SLC9C2: variants seen among roughly 807,000 people sequenced by gnomAD.
SLC9C2 encodes the protein solute carrier family 9 member C2 (putative).
SLC9C2 carries 75 observed loss-of-function variants against 140.2 expected under a neutral mutation model. The observed-to-expected ratio is 0.53, with a 90% CI of 0.44 to 0.65. The LOEUF is 0.65. SLC9C2 is among the 30% of genes least tolerant of loss of function. The probability of loss-of-function intolerance (pLI) is 0.00; values close to 1 mark genes in which losing one functional copy is unlikely to be tolerated. For synonymous variants in SLC9C2, 375 were observed against 420.9 expected (o/e 0.89, Z 1.34); for missense variants, 1,074 against 1,331.8 (o/e 0.81, Z 3.01).
intron 18 of SLC9C2, among the ~76,000 whole-genome samples, chr1:173,528,873 A>G (rs1252335470): frequency 6.6e-6 from 1 of 152,190 alleles, no homozygotes; most frequent in Non-Finnish European, 1.5e-5. Flanking sequence ...CAAAATCACC[A>G]AACACTGGGG....
chr1:173,506,286 C>T (rs2101889615), intron 25 of SLC9C2, among the ~76,000 whole-genome samples: 1 of 152,316 alleles, frequency 6.6e-6, no homozygotes, highest in South Asian at 2.1e-4. Flanking sequence ...GGGTCCTCCC[C>T]ATTCCTTTGC....
chr1:173,532,220 T>C (rs960392316), intron 17 of SLC9C2, among the ~76,000 whole-genome samples: 1 of 152,220 alleles, frequency 6.6e-6, no homozygotes, highest in Non-Finnish European at 1.5e-5. Flanking sequence ...GAGTCTAATA[T>C]GTGCATTTCA....
At chr1:173,541,044 A>T (rs1380879013) in intron 13 of SLC9C2, among the ~76,000 whole-genome samples, 4 of 152,228 alleles carry the variant, frequency 2.6e-5, no homozygotes, top group Non-Finnish European at 5.9e-5. Flanking sequence ...TGCCCCAATT[A>T]AAAGACACAG....
chr1:173,577,293 G>A (rs375466940), intron 7 of SLC9C2, among the ~76,000 whole-genome samples: 3 of 152,322 alleles, frequency 2.0e-5, no homozygotes, highest in East Asian at 3.9e-4. Context: ...ATACTGCACT[G>A]CATGTGCTGA....
At chr1:173,518,218 G>A (rs1030219395) in intron 22 of SLC9C2, among the ~76,000 whole-genome samples, 4 of 151,284 alleles carry the variant, frequency 2.6e-5, no homozygotes, top group Middle Eastern at 3.4e-3. Context: ...AGCCAAGATC[G>A]TGCCACTGCA....
intron 22 of SLC9C2, among the ~76,000 whole-genome samples, 177 bp downstream of exon 22, chr1:173,521,124 G>C (rs956498918): frequency 6.6e-6 from 1 of 152,144 alleles, no homozygotes; most frequent in African/African-American, 2.4e-5. Flanking sequence ...TGTAGAATGG[G>C]AAGCACATTT....
At chr1:173,555,896 C>A (rs1209963670) in intron 10 of SLC9C2, among the ~76,000 whole-genome samples, 2 of 152,298 alleles carry the variant, frequency 1.3e-5, no homozygotes, top group South Asian at 4.1e-4. Flanking sequence ...AAGGCTACTA[C>A]TCTCTTTGAT....
chr1:173,505,405 A>T (rs1659563909), intron 25 of SLC9C2, 74 bp from the exon 26 acceptor site: 1 of 1,147,732 alleles, frequency 8.7e-7, no homozygotes, highest in Non-Finnish European at 1.3e-6. Context: ...TAATCTTTCC[A>T]AAGAGTATAA....
chr1:173,534,616 C>T lies in SLC9C2; in HGVS notation c.1842G>A (p.Gln614=). ...GATAAATATATATCAAATTTATAAT[C>T]TGTCCTGTATATTCAAATTCTTCAG... The part of the protein sequence containing the change: ...VFSEEFEYTG[Q]IINLIYIYPM... The change falls in exon 16 of 28, where the codon CAG becomes CAA. Residue 614 remains glutamine (Q), a synonymous_variant. Coordinates refer to ENST00000367714, the MANE Select transcript of SLC9C2 (RefSeq NM_178527.4). The T allele has an allele frequency of 2.5e-6, 4 of 1,581,452 alleles. No individual in the cohort carries two copies. The highest frequency in any genetic ancestry group is 2.6e-6 in the Non-Finnish European group (3 of 1,165,304).
chr1:173,521,127 G>A (rs1660777533), intron 22 of SLC9C2, among the ~76,000 whole-genome samples, 174 bp downstream of exon 22: 1 of 152,114 alleles, frequency 6.6e-6, no homozygotes, highest in Admixed American at 6.6e-5. Flanking sequence ...AGAATGGGAA[G>A]CACATTTCAG....
Position 173,597,893 on chromosome 1 carries a change from T to C in SLC9C2, c.357+11A>G, listed in dbSNP as rs1234450575. 1 of 1,571,150 alleles carries C rather than the reference T, an allele frequency of 6.4e-7. No homozygotes were observed. Among genetic ancestry groups the C allele is most frequent in the African/African-American group, 1.4e-5 (1 of 72,808 alleles). On this transcript the variant is annotated intron_variant, in intron 4 of 27. Transcript: ENST00000367714. ...AGAATTGATCGTACTTTGTTTTAAA[T>C]GTGTTCTTACCTGCCAAAACATTTT... is the stretch of plus-strand genomic sequence containing the variant.
At chr1:173,599,773 T>C (rs1036833554) in intron 3 of SLC9C2, among the ~76,000 whole-genome samples, 1 of 152,036 alleles carries the variant, frequency 6.6e-6, no homozygotes, top group African/African-American at 2.4e-5. Flanking sequence ...CTAGCTAATT[T>C]TTGTATTTTT....
At chr1:173,530,900 A>AT (rs553836193) in intron 17 of SLC9C2, among the ~76,000 whole-genome samples, 237 of 150,702 alleles carry the variant, frequency 1.6e-3, no homozygotes, top group Non-Finnish European at 2.3e-3. Context: ...AGAGAAGGGA[A>AT]TTTTTTTTTT....
intron 13 of SLC9C2, among the ~76,000 whole-genome samples, chr1:173,537,917 C>T (rs1020368171): frequency 6.6e-6 from 1 of 152,176 alleles, no homozygotes; most frequent in African/African-American, 2.4e-5. Context: ...CATTTCCTCA[C>T]ATACTGACCA....
chr1:173,530,242 G>T (rs1173825175), intron 17 of SLC9C2, among the ~76,000 whole-genome samples, 188 bp from the exon 18 acceptor site: 1 of 152,158 alleles, frequency 6.6e-6, no homozygotes, highest in Non-Finnish European at 1.5e-5. Flanking sequence ...GGGCCTAGTA[G>T]TCGATGTCTT....
At position 173,505,410 on chromosome 1, in the gene SLC9C2, G is replaced by C. The variant is rs893534693; in HGVS notation, c.3226-79C>G. 2.7e-6 allele frequency: 3 copies of C among 1,123,900 alleles called. No homozygotes were observed. The African/African-American group carries it at 4.7e-5, about 17-fold the overall frequency. The allele number at this position is 1,123,900 out of a possible 1,614,324, so 69.6% of individuals were successfully genotyped here. On this transcript the variant is annotated intron_variant, in intron 25 of 27. Transcript: ENST00000367714. ...GGCTGCTTCCTAATCTTTCCAAAGAGTATAAAAAATAAGCCAAAGCCTAAA... is the reference window on the plus strand; with the variant it reads ...GGCTGCTTCCTAATCTTTCCAAAGACTATAAAAAATAAGCCAAAGCCTAAA...
At chr1:173,548,588 T>G in intron 11 of SLC9C2, 36 bp from the exon 12 acceptor site, 1 of 1,609,294 alleles carries the variant, frequency 6.2e-7, no homozygotes, top group Non-Finnish European at 8.5e-7. Flanking sequence ...CTTAATAGAG[T>G]ACAGTGAGGA....
At chr1:173,537,065 C>T (rs951057439) in intron 13 of SLC9C2, 26 bp from the exon 14 acceptor site, 1 of 1,542,402 alleles carries the variant, frequency 6.5e-7, no homozygotes. Flanking sequence ...ATGAAGATTA[C>T]AAAAGATCAA....
intron 20 of SLC9C2, 84 bp downstream of exon 20, chr1:173,524,695 T>G: frequency 1.3e-6 from 2 of 1,484,836 alleles, no homozygotes; most frequent in Non-Finnish European, 1.8e-6. Context: ...GTTAAACAAT[T>G]TTTTCAATCT....
Sources: allele counts gnomAD v4.1 joint callset (sites outside exome capture counted in the v4.1 genomes callset), GRCh38; gene constraint gnomAD v4.1.1; transcripts MANE v1.5; gene names NCBI Gene and HGNC (gene_info 2026-07-23, HGNC 2026-07-21).